Variants in TSC22D2 observed in about 807,000 individuals in gnomAD.
TSC22D2 encodes TSC22 domain family protein 2.
TSC22D2 carries 5 observed loss-of-function variants against 50.1 expected under a neutral mutation model. The observed-to-expected ratio is 0.10, with a 90% CI of 0.05 to 0.21. The LOEUF is 0.21. Among genes scored for constraint, TSC22D2 ranks in the 10% least tolerant of loss-of-function variants. The probability of loss-of-function intolerance (pLI) is 1.00; values close to 1 mark genes in which losing one functional copy is unlikely to be tolerated. For synonymous variants in TSC22D2, 501 were observed against 450.1 expected (o/e 1.11, Z -1.43); for missense variants, 1,003 against 1,015.5 (o/e 0.99, Z 0.17).
At position 150,410,256 on chromosome 3, in the gene TSC22D2, G is replaced by T. The variant is rs1057271071; in HGVS notation, c.906G>T (p.Pro302=). The T allele has an allele frequency of 2.6e-6, 4 of 1,557,772 alleles. No homozygotes were observed. The highest frequency in any genetic ancestry group is 2.6e-6 in the Non-Finnish European group (3 of 1,152,114). ...LPPFPGAATG[P]QPMMAAAQPS... is the part of the protein sequence containing the mutation. ...CGTTCCCGGGAGCCGCGACCGGGCCGCAGCCAATGATGGCAGCCGCGCAGC... is the reference window on the plus strand; with the variant it reads ...CGTTCCCGGGAGCCGCGACCGGGCCTCAGCCAATGATGGCAGCCGCGCAGC... Residue 302 remains proline, a synonymous_variant, in exon 1 of 3, where the codon CCG becomes CCT. Transcript: ENST00000688009.
chr3:150,417,680 CATAAT>C (rs923112684), intron 1 of TSC22D2, among the ~76,000 whole-genome samples: 12 of 152,172 alleles, frequency 7.9e-5, no homozygotes, highest in African/African-American at 2.2e-4. Flanking sequence ...CAGTCTGTAA[CATAAT>C]ATATGTGGCA....
chr3:150,434,244 G>C (rs1720467481), intron 1 of TSC22D2, among the ~76,000 whole-genome samples: 1 of 150,916 alleles, frequency 6.6e-6, no homozygotes, highest in African/African-American at 2.4e-5. Flanking sequence ...TGCCTTCTAG[G>C]TTTAAGTGAT....
rs763664652 is a variant in TSC22D2 at position 150,410,147 on chromosome 3, C to T, written c.797C>T (p.Pro266Leu). ...EKMSQPTPAQ[P>L]QSFSVGQPQP... Reference sequence around the variant, plus strand: ...ATGAGCCAGCCCACTCCGGCCCAGCCGCAGAGTTTTAGCGTTGGGCAGCCA... The same window carrying T: ...ATGAGCCAGCCCACTCCGGCCCAGCTGCAGAGTTTTAGCGTTGGGCAGCCA... Residue 266 changes from proline (P) to leucine (L), a missense_variant, in exon 1 of 3, where the codon CCG becomes CTG. This residue lies in a region of TSC22D2 where 696 missense variants were observed against 647.8 expected (regional missense o/e 1.07). Transcript: ENST00000688009. 3.1e-6 allele frequency: 5 copies of T among 1,611,960 alleles called. No individual in the cohort carries two copies. The South Asian group carries it at 4.4e-5, about 14-fold the overall frequency.
At chr3:150,443,151 A>G (rs1299152132) in intron 1 of TSC22D2, among the ~76,000 whole-genome samples, 1 of 152,182 alleles carries the variant, frequency 6.6e-6, no homozygotes, top group East Asian at 1.9e-4. Flanking sequence ...CAGCCTCTGA[A>G]TACCTCCAGT....
intron 1 of TSC22D2, among the ~76,000 whole-genome samples, chr3:150,439,582 G>T: frequency 6.6e-6 from 1 of 152,074 alleles, no homozygotes; most frequent in Non-Finnish European, 1.5e-5. Context: ...GTAGTCAGTG[G>T]CTGGGGTTCA....
chr3:150,451,881 C>G (rs895180876), intron 1 of TSC22D2, among the ~76,000 whole-genome samples: 21 of 151,988 alleles, frequency 1.4e-4, no homozygotes, highest in African/African-American at 4.4e-4. Flanking sequence ...AAGTAGTTCT[C>G]TTATTTTTTT....
Position 150,408,420 on chromosome 3 carries a change from G to T in TSC22D2, c.-931G>T, listed in dbSNP as rs1223831084. The T allele has an allele frequency of 6.6e-6, 1 of 152,650 alleles. No individual in the cohort carries two copies. The highest frequency in any genetic ancestry group is 2.0e-4 in the South Asian group (1 of 4,886). The allele number at this position is 152,650 out of a possible 1,614,324, so 9.5% of individuals were successfully genotyped here. On this transcript the variant is annotated 5_prime_UTR_variant, in exon 1 of 3. Coordinates refer to ENST00000688009, the MANE Select transcript of TSC22D2 (RefSeq NM_001303264.2). Reference sequence around the variant, plus strand: ...CGCCGCTTCAGCAGTTTGAATTTCAGTTTCTTCGGGGTTTAGGAATTGGGC... The same window carrying T: ...CGCCGCTTCAGCAGTTTGAATTTCATTTTCTTCGGGGTTTAGGAATTGGGC...
chr3:150,435,821 C>T (rs564024027), intron 1 of TSC22D2, among the ~76,000 whole-genome samples: 1 of 152,104 alleles, frequency 6.6e-6, no homozygotes, highest in East Asian at 1.9e-4. Flanking sequence ...TTCACCTTCT[C>T]ACAAAAGGAA....
Position 150,411,149 on chromosome 3 carries a change from C to G in TSC22D2, c.1799C>G (p.Pro600Arg), listed in dbSNP as rs1422102075. The change falls in exon 1 of 3, where the codon CCC (proline) becomes CGC (arginine). Residue 600 changes from proline to arginine, a missense_variant. Physicochemically the swap from Pro to Arg is moderately radical, Grantham distance 103. Around this residue, in one of 6 missense-constraint regions of TSC22D2, gnomAD observed 696 missense variants for 647.8 expected, o/e 1.07. Transcript: ENST00000688009. ...GACGATACTAGAAGAAAATCAGAACCCCTACCTCAACCACCACTTTCTCTC... is the reference window on the plus strand; with the variant it reads ...GACGATACTAGAAGAAAATCAGAACGCCTACCTCAACCACCACTTTCTCTC... Reference protein sequence around the residue: ...QVDDTRRKSEPLPQPPLSLIA... With the variant: ...QVDDTRRKSERLPQPPLSLIA... 1 of 1,614,128 alleles carries G rather than the reference C, an allele frequency of 6.2e-7. No homozygotes were observed. Among genetic ancestry groups the G allele is most frequent in the Non-Finnish European group, 8.5e-7 (1 of 1,180,028 alleles).
chr3:150,433,367 A>G (rs574263214), intron 1 of TSC22D2, among the ~76,000 whole-genome samples: 33 of 152,344 alleles, frequency 2.2e-4, no homozygotes, highest in African/African-American at 7.7e-4. Context: ...TTTTATTTGT[A>G]ATTTCAGTAT....
At chr3:150,457,020 G>T in intron 1 of TSC22D2, 56 bp from the exon 2 acceptor site, 1 of 1,460,234 alleles carries the variant, frequency 6.8e-7, no homozygotes, top group South Asian at 1.2e-5. Flanking sequence ...ATTCTTTTAA[G>T]AGTTGGAAGG....
At chr3:150,451,134 TTG>T (rs202087314) in intron 1 of TSC22D2, among the ~76,000 whole-genome samples, 5,379 of 152,278 alleles carry the variant, frequency 0.035, 130 homozygotes, top group Middle Eastern at 0.071. Flanking sequence ...AAAGATTTGA[TTG>T]TGTAATTTGG....
intron 1 of TSC22D2, among the ~76,000 whole-genome samples, chr3:150,429,212 G>C (rs898023071): frequency 5.3e-5 from 8 of 152,214 alleles, no homozygotes; most frequent in Non-Finnish European, 7.4e-5. Context: ...AGAAGAAAAT[G>C]AGTGACAGTA....
chr3:150,434,868 ATTT>A, intron 1 of TSC22D2, among the ~76,000 whole-genome samples: 1 of 56,584 alleles, frequency 1.8e-5, no homozygotes, highest in Non-Finnish European at 4.6e-5. Context: ...ACATATATAT[ATTT>A]AGTTTCTGGC....
chr3:150,409,643 C>T lies in TSC22D2; in HGVS notation c.293C>T (p.Ala98Val). ...CTAGATGGGCAGCTGGCAGCGGCGGCTGCTGCTCCCGCCAACGGAGGAGGA... is the reference window on the plus strand; with the variant it reads ...CTAGATGGGCAGCTGGCAGCGGCGGTTGCTGCTCCCGCCAACGGAGGAGGA... ...LLLDGQLAAAAAAPANGGGVV... is the reference protein window; with the variant it reads ...LLLDGQLAAAVAAPANGGGVV... Residue 98 changes from alanine (A) to valine (V), a missense_variant, in exon 1 of 3, where the codon GCT becomes GTT. By Grantham distance (64) the Ala-to-Val change is moderately conservative. Coordinates refer to ENST00000688009, the MANE Select transcript of TSC22D2 (RefSeq NM_001303264.2). The surrounding 1 kb of genome is among the most constrained non-coding windows in gnomAD (Gnocchi z 7.4). 6.2e-7 allele frequency: 1 copy of T among 1,607,422 alleles called. No individual in the cohort carries two copies. Among genetic ancestry groups the T allele is most frequent in the African/African-American group, 1.3e-5 (1 of 74,984 alleles).
intron 1 of TSC22D2, 47 bp from the exon 2 acceptor site, chr3:150,457,029 G>A (rs1205722411): frequency 3.9e-6 from 6 of 1,527,628 alleles, no homozygotes; most frequent in Non-Finnish European, 5.4e-6. Flanking sequence ...AGAGTTGGAA[G>A]GGAGGTTAAA....
chr3:150,412,154 G>C (rs967308865), intron 1 of TSC22D2, among the ~76,000 whole-genome samples: 1 of 152,096 alleles, frequency 6.6e-6, no homozygotes, highest in African/African-American at 2.4e-5. Context: ...TGCCACAACA[G>C]CTGATGTTTG....
At position 150,409,280 on chromosome 3, in the gene TSC22D2, T is replaced by G; in HGVS notation, c.-71T>G. On this transcript the variant is annotated 5_prime_UTR_variant, in exon 1 of 3. Coordinates refer to ENST00000688009, the MANE Select transcript of TSC22D2 (RefSeq NM_001303264.2). This position sits in a 1 kb window ranked among gnomAD's most constrained non-coding sequence, Gnocchi z 7.4. Reference sequence around the variant, plus strand: ...GGACTTTGTCTTTGGGGGCCCGTGCTCTGCCCTCCCCGGTTTCCGACAGGA... The same window carrying G: ...GGACTTTGTCTTTGGGGGCCCGTGCGCTGCCCTCCCCGGTTTCCGACAGGA... 6.7e-7 allele frequency: 1 copy of G among 1,502,000 alleles called. No homozygotes were observed. Among genetic ancestry groups the G allele is most frequent in the Admixed American group, 2.1e-5 (1 of 47,550 alleles). 93.0% of individuals were successfully genotyped at this position (1,502,000 alleles called of 1,614,324 possible).
chr3:150,462,867 C>T lies in TSC22D2; in HGVS notation c.*4231C>T, dbSNP rs1721457372. On this transcript the variant is annotated 3_prime_UTR_variant, in exon 3 of 3. Coordinates refer to ENST00000688009, the MANE Select transcript of TSC22D2 (RefSeq NM_001303264.2). ...CAGGTTGGTCTTGAACTCCTGACCT[C>T]AAGTCATCTCCCCCGCCCGCCTGGG... 1 of 152,212 alleles carries T rather than the reference C, an allele frequency of 6.6e-6. No individual in the cohort carries two copies. The highest frequency in any genetic ancestry group is 2.4e-5 in the African/African-American group (1 of 41,412). The allele number at this position is 152,212 out of a possible 1,614,324, so 9.4% of individuals were successfully genotyped here. A position where few individuals can be genotyped will look rare whatever the true frequency, so the allele number is the denominator to read the frequency against.
Sources: gnomAD v4.1 joint callset for allele counts (sites outside exome capture counted in the v4.1 genomes callset) on GRCh38, gnomAD v4.1.1 for gene constraint, gnomAD v4.1.1 regional missense constraint, Gnocchi (gnomAD v3.1) non-coding constraint, MANE v1.5 for transcripts, NCBI Gene and HGNC (gene_info 2026-07-23, HGNC 2026-07-21) for gene names.